Variants in PDE7A observed in about 807,000 individuals in gnomAD.
PDE7A encodes the protein phosphodiesterase 7A.
PDE7A carries 39 observed loss-of-function variants against 64.3 expected under a neutral mutation model. The ratio of observed to expected loss-of-function variants is 0.61; its 90% CI spans 0.47 to 0.79. The LOEUF is 0.79. Among genes scored for constraint, PDE7A ranks in the 30% least tolerant of loss-of-function variants. The pLI is 0.00. For missense variants in PDE7A, 470 were observed against 582.8 expected (o/e 0.81, Z 1.99); for synonymous variants, 203 against 206.8 (o/e 0.98, Z 0.16).
At chr8:65,834,968 A>G (rs1442057945) in intron 1 of PDE7A, among the ~76,000 whole-genome samples, 2 of 152,210 alleles carry the variant, frequency 1.3e-5, no homozygotes, top group African/African-American at 2.4e-5. Flanking sequence ...CTGAATGCAA[A>G]TATACCTGAA....
At position 65,743,820 on chromosome 8, in the gene PDE7A, C is replaced by T. The variant is rs978288183; in HGVS notation, c.499+1587G>A. ...TCTCAGTGTACTTTCAGCTCTGGGG[C>T]AAAACATTAGCTGAATTGCTTTTTT... On this transcript the variant is annotated intron_variant, in intron 5 of 12. Transcript: ENST00000401827. Among the ~76,000 whole-genome samples, 3 of 150,976 alleles carry T rather than the reference C, an allele frequency of 2.0e-5. No homozygotes were observed. The South Asian group carries it at 6.3e-4, about 32-fold the overall frequency.
At chr8:65,755,988 T>G (rs773471122) in intron 3 of PDE7A, among the ~76,000 whole-genome samples, 1 of 152,244 alleles carries the variant, frequency 6.6e-6, no homozygotes, top group Non-Finnish European at 1.5e-5. Flanking sequence ...TCTGGAAATA[T>G]GTTAAACTCC....
chr8:65,758,040 C>T (rs1808318914), intron 3 of PDE7A, among the ~76,000 whole-genome samples: 1 of 152,206 alleles, frequency 6.6e-6, no homozygotes, highest in South Asian at 2.1e-4. Context: ...TCAAATGTTT[C>T]CACATTTGGA....
rs1810978394 is a variant in PDE7A at position 65,837,660 on chromosome 8, T to C, written c.138+3711A>G. On this transcript the variant is annotated intron_variant, in intron 1 of 12. Coordinates refer to ENST00000401827, the MANE Select transcript of PDE7A (RefSeq NM_001242318.3). ...ACCCATGTGGTTGATCTGTACTTGT[T>C]TGGCATCACCATCATTTCTGACTCT... Among the ~76,000 whole-genome samples, 3 of 152,356 alleles carry C rather than the reference T, an allele frequency of 2.0e-5. No individual in the cohort carries two copies. The South Asian group carries it at 6.2e-4, about 32-fold the overall frequency.
intron 4 of PDE7A, 42 bp downstream of exon 4, chr8:65,747,610 C>A: frequency 7.3e-7 from 1 of 1,373,234 alleles, no homozygotes; most frequent in Non-Finnish European, 1.0e-6. Flanking sequence ...CTTCAGTAAA[C>A]TTATCAAAAA....
rs576371631 is a variant in PDE7A at position 65,800,414 on chromosome 8, T to C, written c.139-17571A>G. Among the ~76,000 whole-genome samples, 28 of 152,348 alleles carry C rather than the reference T, an allele frequency of 1.8e-4. No homozygotes were observed. In the South Asian group the frequency reaches 5.6e-3, roughly 30 times the overall value. On this transcript the variant is annotated intron_variant, in intron 1 of 12. Coordinates refer to ENST00000401827, the MANE Select transcript of PDE7A (RefSeq NM_001242318.3). ...CCTGCTTCAAGATATCTCAACCTTT[T>C]AAACTTAAACCAATGTGTAATCTCC...
intron 1 of PDE7A, among the ~76,000 whole-genome samples, chr8:65,794,014 G>T (rs1809770986): frequency 6.6e-6 from 1 of 152,180 alleles, no homozygotes. Context: ...CAATTCTAAG[G>T]CTCTACAGTA....
chr8:65,732,951 C>T (rs1209517514), intron 7 of PDE7A, among the ~76,000 whole-genome samples: 1 of 152,088 alleles, frequency 6.6e-6, no homozygotes, highest in East Asian at 1.9e-4. Flanking sequence ...CTCAAGCAAG[C>T]CATCCGCCTC....
chr8:65,733,934 A>T (rs1346945298), intron 7 of PDE7A, among the ~76,000 whole-genome samples: 2 of 152,218 alleles, frequency 1.3e-5, no homozygotes, highest in Non-Finnish European at 2.9e-5. Context: ...GGATAGGCAG[A>T]CATAATTGCA....
At chr8:65,824,685 T>C (rs1471312889) in intron 1 of PDE7A, among the ~76,000 whole-genome samples, 3 of 152,224 alleles carry the variant, frequency 2.0e-5, no homozygotes, top group Non-Finnish European at 4.4e-5. Context: ...TACAACTTGA[T>C]GAAGGCTCAG....
In PDE7A at chr8:65,739,559, G is replaced by A; in HGVS notation, c.538C>T (p.Leu180Phe). Residue 180 changes from leucine (L) to phenylalanine (F), a missense_variant, in exon 6 of 13, where the codon CTT becomes TTT. Leu to Phe is a conservative substitution (Grantham distance 22, BLOSUM62 0). Transcript: ENST00000401827. Reference sequence around the variant, plus strand: ...TGGAAGTACTCAATTAATCCATGAAGACTAAATAAATGAAAGGTTAAGCTT... The same window carrying A: ...TGGAAGTACTCAATTAATCCATGAAAACTAAATAAATGAAAGGTTAAGCTT... Reference protein sequence around the residue: ...LVSLTFHLFSLHGLIEYFHLD... With the variant: ...LVSLTFHLFSFHGLIEYFHLD... The A allele has an allele frequency of 7.7e-6, 12 of 1,560,162 alleles. No homozygotes were observed. Among genetic ancestry groups the A allele is most frequent in the Non-Finnish European group, 1.0e-5 (12 of 1,158,766 alleles).
intron 1 of PDE7A, among the ~76,000 whole-genome samples, chr8:65,814,840 G>C (rs2128930831): frequency 6.6e-6 from 1 of 152,196 alleles, no homozygotes; most frequent in East Asian, 1.9e-4. Flanking sequence ...CAGCACTTTT[G>C]GGAGGCTGAG....
intron 1 of PDE7A, among the ~76,000 whole-genome samples, chr8:65,817,897 C>T (rs1269976420): frequency 7.2e-5 from 11 of 151,880 alleles, no homozygotes; most frequent in Non-Finnish European, 1.2e-4. Context: ...GGATTACAGG[C>T]GCCTGCCACT....
intron 1 of PDE7A, among the ~76,000 whole-genome samples, chr8:65,815,614 A>G (rs1810381854): frequency 6.9e-6 from 1 of 145,894 alleles, no homozygotes; most frequent in African/African-American, 2.7e-5. Flanking sequence ...TAAAAATGAA[A>G]GAATAGTCAG....
intron 1 of PDE7A, among the ~76,000 whole-genome samples, chr8:65,817,684 T>C (rs1163330450): frequency 6.6e-6 from 1 of 152,142 alleles, no homozygotes; most frequent in East Asian, 1.9e-4. Context: ...GGACTCAGGT[T>C]ATAGGTTTTA....
At chr8:65,742,618 T>C (rs1193585449) in intron 5 of PDE7A, among the ~76,000 whole-genome samples, 1 of 152,224 alleles carries the variant, frequency 6.6e-6, no homozygotes, top group African/African-American at 2.4e-5. Flanking sequence ...TGAATGTATG[T>C]TATCCAGAAT....
Position 65,719,204 on chromosome 8 carries a change from T to C in PDE7A, c.*86A>G. On this transcript the variant is annotated 3_prime_UTR_variant, in exon 13 of 13. Coordinates refer to ENST00000401827, the MANE Select transcript of PDE7A (RefSeq NM_001242318.3). ...ATCACTCACTTGGAAACCTTGGCAG[T>C]CAAGAGTTAAGTTCTCTCACCTCAA... The C allele has an allele frequency of 1.2e-6, 1 of 864,548 alleles. No individual in the cohort carries two copies. The highest frequency in any genetic ancestry group is 1.9e-6 in the Non-Finnish European group (1 of 514,596). 53.6% of individuals were successfully genotyped at this position (864,548 alleles called of 1,614,324 possible).
At chr8:65,782,330 T>C (rs1180700495) in intron 2 of PDE7A, among the ~76,000 whole-genome samples, 1 of 152,168 alleles carries the variant, frequency 6.6e-6, no homozygotes, top group Non-Finnish European at 1.5e-5. Flanking sequence ...TTGACTAATA[T>C]ATAAAAAATT....
chr8:65,828,820 T>G (rs1159349748), intron 1 of PDE7A, among the ~76,000 whole-genome samples: 1 of 152,126 alleles, frequency 6.6e-6, no homozygotes, highest in African/African-American at 2.4e-5. Context: ...CACCTTTTAT[T>G]TGCATTTCCT....
Sources: gnomAD v4.1 joint callset for allele counts (sites outside exome capture counted in the v4.1 genomes callset) on GRCh38, gnomAD v4.1.1 for gene constraint, MANE v1.5 for transcripts, NCBI Gene and HGNC (gene_info 2026-07-23, HGNC 2026-07-21) for gene names.